Variants in ANXA10 observed in about 807,000 individuals in gnomAD.
The protein encoded by ANXA10 is annexin A10, also known as annexin 14.
ANXA10 carries 49 observed loss-of-function variants against 53.5 expected under a neutral mutation model. That is an observed-to-expected ratio of 0.92 (90% CI 0.73 to 1.16). The LOEUF is 1.16. ANXA10 is among the 50% of genes most tolerant of loss of function. The pLI, the probability that ANXA10 is intolerant of heterozygous loss-of-function variation, is 0.00. For synonymous variants in ANXA10, 131 were observed against 128.9 expected (o/e 1.02, Z -0.11); for missense variants, 393 against 394.4 (o/e 1.00, Z 0.03).
At chr4:168,134,822 T>C (rs1256891879) in intron 2 of ANXA10, among the ~76,000 whole-genome samples, 1 of 152,190 alleles carries the variant, frequency 6.6e-6, no homozygotes, top group Non-Finnish European at 1.5e-5. Flanking sequence ...TAAAATACCC[T>C]GATGCTCCCC....
intron 6 of ANXA10, among the ~76,000 whole-genome samples, chr4:168,167,466 A>ACTT (rs1177383760): frequency 6.6e-6 from 1 of 152,120 alleles, no homozygotes; most frequent in Non-Finnish European, 1.5e-5. Flanking sequence ...TGCATTTTTG[A>ACTT]CTTGGGATAT....
chr4:168,168,799 A>C (rs1036512072), intron 6 of ANXA10, among the ~76,000 whole-genome samples: 1 of 152,226 alleles, frequency 6.6e-6, no homozygotes, highest in East Asian at 1.9e-4. Flanking sequence ...GATGGTAAAG[A>C]CATGTTTGTC....
intron 1 of ANXA10, among the ~76,000 whole-genome samples, chr4:168,099,585 A>G (rs1463152436): frequency 6.6e-6 from 1 of 152,122 alleles, no homozygotes; most frequent in Non-Finnish European, 1.5e-5. Context: ...TTACAACTGA[A>G]CCTAATACAA....
chr4:168,177,986 A>T lies in ANXA10; in HGVS notation c.628+3A>T, dbSNP rs1732165675. 2 of 1,612,798 alleles carry T rather than the reference A, an allele frequency of 1.2e-6. No individual in the cohort carries two copies. The highest frequency in any genetic ancestry group is 1.7e-6 in the Non-Finnish European group (2 of 1,179,696). On this transcript the variant is annotated splice_donor_region_variant and intron_variant, in intron 8 of 11. Coordinates refer to ENST00000359299, the MANE Select transcript of ANXA10 (RefSeq NM_007193.5). ...GAGCTACCAGCAGCTGCGGCTGGGTAATTATTAACTGGGTTTCGTTCCAGC... is the reference window on the plus strand; with the variant it reads ...GAGCTACCAGCAGCTGCGGCTGGGTTATTATTAACTGGGTTTCGTTCCAGC...
At chr4:168,127,791 A>C in intron 1 of ANXA10, 1 of 367,434 alleles carries the variant, frequency 2.7e-6, no homozygotes, top group Non-Finnish European at 4.9e-6. Flanking sequence ...TTTCATTTTC[A>C]TTTGTCTGGA....
chr4:168,104,370 T>A (rs1211967217), intron 1 of ANXA10, among the ~76,000 whole-genome samples: 1 of 151,954 alleles, frequency 6.6e-6, no homozygotes, highest in Non-Finnish European at 1.5e-5. Context: ...TTTCTTGTAA[T>A]GTTGATTTGG....
At chr4:168,117,588 A>G (rs771348855) in intron 1 of ANXA10, among the ~76,000 whole-genome samples, 1 of 152,130 alleles carries the variant, frequency 6.6e-6, no homozygotes, top group Non-Finnish European at 1.5e-5. Context: ...CTGCACCTTT[A>G]AGGAAAACAA....
intron 1 of ANXA10, among the ~76,000 whole-genome samples, chr4:168,105,979 T>C (rs2149465248): frequency 6.6e-6 from 1 of 152,276 alleles, no homozygotes; most frequent in East Asian, 1.9e-4. Context: ...ACTCCAAACA[T>C]GGAGTTGTTT....
chr4:168,184,778 A>C (rs751050072), intron 11 of ANXA10, 97 bp downstream of exon 11: 98 of 1,494,052 alleles, frequency 6.6e-5, no homozygotes, highest in Non-Finnish European at 8.8e-5. Context: ...GCAGACTCTA[A>C]AAAGTTAACT....
At chr4:168,162,074 C>G (rs1187000116) in intron 3 of ANXA10, among the ~76,000 whole-genome samples, 1 of 151,944 alleles carries the variant, frequency 6.6e-6, no homozygotes, top group Non-Finnish European at 1.5e-5. Flanking sequence ...TTTACATAAG[C>G]TGTTTGGCAA....
At chr4:168,125,874 CA>C in intron 1 of ANXA10, among the ~76,000 whole-genome samples, 1 of 152,042 alleles carries the variant, frequency 6.6e-6, no homozygotes, top group Middle Eastern at 3.4e-3. Flanking sequence ...ATTCCTTTTT[CA>C]AAACCTAAAT....
chr4:168,129,551 T>G (rs1731125996), intron 2 of ANXA10, among the ~76,000 whole-genome samples: 1 of 152,142 alleles, frequency 6.6e-6, no homozygotes, highest in Non-Finnish European at 1.5e-5. Context: ...TGGGCTTTGA[T>G]TGCACGGTGT....
chr4:168,147,561 G>A (rs993530364), intron 3 of ANXA10, among the ~76,000 whole-genome samples: 2 of 152,290 alleles, frequency 1.3e-5, no homozygotes, highest in African/African-American at 4.8e-5. Context: ...GTATTTAGGA[G>A]CATTCACAGA....
At chr4:168,126,279 C>T (rs1398190333) in intron 1 of ANXA10, among the ~76,000 whole-genome samples, 1 of 152,166 alleles carries the variant, frequency 6.6e-6, no homozygotes, top group Non-Finnish European at 1.5e-5. Flanking sequence ...GATTAAATTA[C>T]ATTTAGTTAA....
chr4:168,118,983 G>A (rs1400190478), intron 1 of ANXA10, among the ~76,000 whole-genome samples: 1 of 152,008 alleles, frequency 6.6e-6, no homozygotes, highest in Non-Finnish European at 1.5e-5. Context: ...TTTAATCAAA[G>A]ATGACAAAAA....
chr4:168,168,930 T>C (rs111691796), intron 6 of ANXA10, among the ~76,000 whole-genome samples: 27 of 152,328 alleles, frequency 1.8e-4, no homozygotes, highest in African/African-American at 6.3e-4. Context: ...TTAGTTTAAT[T>C]TGGATATCTG....
At chr4:168,137,747 T>C (rs957602827) in intron 2 of ANXA10, among the ~76,000 whole-genome samples, 12 of 152,160 alleles carry the variant, frequency 7.9e-5, no homozygotes, top group African/African-American at 2.9e-4. Flanking sequence ...AATAAACATA[T>C]AGATGCAAAT....
At chr4:168,185,437 G>A (rs191240351) in intron 11 of ANXA10, among the ~76,000 whole-genome samples, 6 of 152,266 alleles carry the variant, frequency 3.9e-5, no homozygotes, top group African/African-American at 4.8e-5. Context: ...CTGCTAATTC[G>A]GAGGGACTTA....
At chr4:168,185,163 AAAAG>A (rs1732343877) in intron 11 of ANXA10, among the ~76,000 whole-genome samples, 1 of 152,144 alleles carries the variant, frequency 6.6e-6, no homozygotes, top group Admixed American at 6.5e-5. Flanking sequence ...CAAAAAAAGA[AAAAG>A]AAAAAAAAAA....
Sources: gnomAD v4.1 joint callset for allele counts (sites outside exome capture counted in the v4.1 genomes callset) on GRCh38, gnomAD v4.1.1 for gene constraint, MANE v1.5 for transcripts, NCBI Gene and HGNC (gene_info 2026-07-23, HGNC 2026-07-21) for gene names.